The following SLC13A3 variants were observed in gnomAD, a reference collection of about 807,000 sequenced individuals.
The protein encoded by SLC13A3 is Na(+)/dicarboxylate cotransporter 3.
Under a neutral mutation model 59.0 loss-of-function variants are expected in SLC13A3, and 40 were observed. The observed-to-expected ratio is 0.68, with a 90% confidence interval of 0.53 to 0.88. SLC13A3 has a LOEUF of 0.88. SLC13A3 is among the 40% of genes least tolerant of loss of function. SLC13A3 has a pLI of 0.00. For missense variants in SLC13A3, 699 were observed against 783.2 expected (o/e 0.89, Z 1.28); for synonymous variants, 317 against 330.3 (o/e 0.96, Z 0.44).
intron 1 of SLC13A3, among the ~76,000 whole-genome samples, chr20:46,623,379 C>T (rs1329825628): frequency 1.3e-5 from 2 of 152,122 alleles, no homozygotes; most frequent in East Asian, 3.9e-4. Context: ...ATGCCCCTAA[C>T]AATCTTTTCT....
At chr20:46,610,364 C>T in intron 3 of SLC13A3, 82 bp downstream of exon 3, 1 of 1,424,814 alleles carries the variant, frequency 7.0e-7, no homozygotes, top group African/African-American at 1.4e-5. Flanking sequence ...ATGCCCTTGG[C>T]CTTCCCTAAC....
upstream of SLC13A3, among the ~76,000 whole-genome samples, chr20:46,655,483 A>ATG (rs367827861): frequency 2.4e-4 from 36 of 147,572 alleles, no homozygotes; most frequent in Admixed American, 6.2e-4. Flanking sequence ...ATGTATATAT[A>ATG]TGTGTGTGTG....
chr20:46,587,280 A>G (rs1238879646), intron 8 of SLC13A3, among the ~76,000 whole-genome samples: 1 of 152,228 alleles, frequency 6.6e-6, no homozygotes, highest in African/African-American at 2.4e-5. Flanking sequence ...TACTAGTATA[A>G]TATCATTTTA....
intron 1 of SLC13A3, among the ~76,000 whole-genome samples, chr20:46,666,435 A>C (rs986852065): frequency 1.3e-5 from 2 of 152,076 alleles, no homozygotes; most frequent in African/African-American, 4.8e-5. Context: ...TTTGACTGAA[A>C]GAGAGTGATT....
intron 1 of SLC13A3, among the ~76,000 whole-genome samples, chr20:46,675,446 G>A (rs1358808971): frequency 1.5e-5 from 2 of 134,350 alleles, no homozygotes; most frequent in Non-Finnish European, 3.1e-5. Context: ...AGGTTTCACC[G>A]TGTTGCTCAG....
rs543203293 is a variant in SLC13A3, at chr20:46,561,234, A to G, written c.1633-1036T>C. Among the ~76,000 whole-genome samples, 14 of 152,230 alleles carry G rather than the reference A, an allele frequency of 9.2e-5. No homozygotes were observed. In the East Asian group the frequency reaches 2.5e-3, roughly 27 times the overall value. ...TGTCCCGCCTTTCCGGACCAAACCA[A>G]TGTTCATCTTACATATGTTGATTGA... On this transcript the variant is annotated intron_variant, in intron 12 of 12. Transcript: ENST00000279027.
intron 1 of SLC13A3, among the ~76,000 whole-genome samples, chr20:46,638,416 A>C (rs1040586629): frequency 1.3e-5 from 2 of 152,218 alleles, no homozygotes; most frequent in Non-Finnish European, 2.9e-5. Context: ...AAAACCCAGG[A>C]GAGAAGCGGG....
intron 10 of SLC13A3, among the ~76,000 whole-genome samples, chr20:46,571,551 A>C (rs751392101): frequency 3.3e-5 from 5 of 152,178 alleles, no homozygotes; most frequent in Non-Finnish European, 5.9e-5. Context: ...AGGTCATAGC[A>C]ACAATGATGT....
Position 46,560,210 on chromosome 20 carries a change from C to T in SLC13A3, c.1633-12G>A, listed in dbSNP as rs1459034044. 6.2e-7 allele frequency: 1 copy of T among 1,613,532 alleles called. No homozygotes were observed. Among genetic ancestry groups the T allele is most frequent in the African/African-American group, 1.3e-5 (1 of 74,888 alleles). The stretch of plus-strand genomic sequence containing the variant: ...AGGCCTGTCCGCACCTGAAATAGAG[C>T]CCAGACAGAGGGAGGGGTCAGCACC... On this transcript the variant is annotated splice_polypyrimidine_tract_variant and intron_variant, in intron 12 of 12. Transcript: ENST00000279027.
chr20:46,622,621 CGTGTGTGTGT>C (rs11469544), intron 1 of SLC13A3, among the ~76,000 whole-genome samples: 34,401 of 133,796 alleles, frequency 0.26, 4,052 homozygotes, highest in South Asian at 0.35. Flanking sequence ...GTGGTGTGTG[CGTGTGTGTGT>C]GTGTGTGTGT....
At position 46,566,283 on chromosome 20, in the gene SLC13A3, C is replaced by T. The variant is rs1348221311; in HGVS notation, c.1440G>A (p.Glu480=). ...TGATGGTCGCCGTGTTGCTGGCAAA[C>T]TCAGTGAAGAAGGCGATGACCACAG... ...LITVVIAFFT[E]FASNTATIII... is the part of the protein sequence containing the mutation. Residue 480 remains glutamate, a synonymous_variant, in exon 11 of 13, where the codon GAG becomes GAA. Transcript: ENST00000279027. 1.2e-6 allele frequency: 2 copies of T among 1,613,682 alleles called. No homozygotes were observed. The highest frequency in any genetic ancestry group is 2.7e-5 in the African/African-American group (2 of 74,874).
At chr20:46,600,583 C>A (rs912053293) in intron 3 of SLC13A3, 3 of 461,372 alleles carry the variant, frequency 6.5e-6, no homozygotes, top group Non-Finnish European at 9.1e-6. Flanking sequence ...CAAGCTTAGG[C>A]TTACCTGAGC....
intron 9 of SLC13A3, among the ~76,000 whole-genome samples, chr20:46,582,009 C>T (rs999854492): frequency 2.0e-5 from 3 of 152,154 alleles, no homozygotes; most frequent in South Asian, 4.1e-4. Flanking sequence ...GTCTATGGGT[C>T]GCACATGGTG....
chr20:46,672,110 A>G (rs1256431016), upstream of SLC13A3, among the ~76,000 whole-genome samples: 1 of 152,238 alleles, frequency 6.6e-6, no homozygotes, highest in Non-Finnish European at 1.5e-5. Flanking sequence ...AAGCCAACTC[A>G]TGTGAAGAGA....
rs1019346941 is a variant in SLC13A3 at position 46,593,981 on chromosome 20, A to G, written c.795-1452T>C. On this transcript the variant is annotated intron_variant, in intron 5 of 12. Transcript: ENST00000279027. ...ATCATTTTATAATCAGAATAAACCA[A>G]TAAAATGTATTTTGGCAACAAGGGC... Among the ~76,000 whole-genome samples the G allele has an allele frequency of 3.9e-5, 6 of 152,168 alleles. No homozygotes were observed. The South Asian group carries it at 1.2e-3, about 32-fold the overall frequency.
chr20:46,579,751 T>A (rs1033903703), intron 9 of SLC13A3, among the ~76,000 whole-genome samples: 10 of 152,246 alleles, frequency 6.6e-5, no homozygotes, highest in Non-Finnish European at 1.5e-5. Context: ...TCAACTTGAA[T>A]GAGTTGCCAA....
At chr20:46,637,642 C>T (rs1054514372) in intron 1 of SLC13A3, among the ~76,000 whole-genome samples, 1 of 152,212 alleles carries the variant, frequency 6.6e-6, no homozygotes, top group African/African-American at 2.4e-5. Flanking sequence ...AGCACCTGTT[C>T]TGGGCCAGAT....
rs917784479 is a variant in SLC13A3, at chr20:46,572,099, G to C, written c.1332+3474C>G. Among the ~76,000 whole-genome samples the C allele has an allele frequency of 2.6e-5, 4 of 152,104 alleles. No individual in the cohort carries two copies. The South Asian group carries it at 8.3e-4, about 31-fold the overall frequency. ...AAACTGTAGTGAGGACCCTAAGTGG[G>C]CTTAAGTGAGTTGCTGAGGCTCAGA... On this transcript the variant is annotated intron_variant, in intron 10 of 12. Coordinates refer to ENST00000279027, the MANE Select transcript of SLC13A3 (RefSeq NM_022829.6).
chr20:46,563,477 G>C lies in SLC13A3; in HGVS notation c.1569C>G (p.Leu523=). 1 of 1,614,154 alleles carries C rather than the reference G, an allele frequency of 6.2e-7. No individual in the cohort carries two copies. Among genetic ancestry groups the C allele is most frequent in the African/African-American group, 1.3e-5 (1 of 75,048 alleles). ...GTVGCSFAFM[L]PVSTPPNSIA... ...TGGAGTTGGGGGGCGTTGAGACCGG[G>C]AGCATGAAGGCAAAGGAGCAGCCGA... Residue 523 remains leucine, a synonymous_variant, in exon 12 of 13, where the codon CTC becomes CTG. Coordinates refer to ENST00000279027, the MANE Select transcript of SLC13A3 (RefSeq NM_022829.6).
Sources: allele counts gnomAD v4.1 joint callset (sites outside exome capture counted in the v4.1 genomes callset), GRCh38; gene constraint gnomAD v4.1.1; transcripts MANE v1.5; gene names NCBI Gene and HGNC (gene_info 2026-07-23, HGNC 2026-07-21).